INO80D: variants seen among roughly 807,000 people sequenced by gnomAD.
INO80D encodes INO80 complex subunit D.
INO80D carries 21 observed loss-of-function variants against 87.6 expected under a neutral mutation model. The ratio of observed to expected loss-of-function variants is 0.24; its 90% CI spans 0.17 to 0.35. The LOEUF (loss-of-function observed/expected upper bound fraction) is 0.35. INO80D is among the 10% of genes least tolerant of loss of function. The pLI is 1.00. For missense variants in INO80D, 982 were observed against 1,280.7 expected (o/e 0.77, Z 3.56); for synonymous variants, 440 against 491.0 (o/e 0.90, Z 1.37).
chr2:206,050,838 G>C (rs985929913), intron 4 of INO80D, among the ~76,000 whole-genome samples: 3 of 150,898 alleles, frequency 2.0e-5, no homozygotes, highest in African/African-American at 7.3e-5. Context: ...GCGTGGTCGC[G>C]GGCGCCTGTA....
intron 1 of INO80D, among the ~76,000 whole-genome samples, chr2:206,072,063 G>A (rs1689986511): frequency 6.6e-6 from 1 of 152,082 alleles, no homozygotes; most frequent in Non-Finnish European, 1.5e-5. Flanking sequence ...CACTCAGGGA[G>A]CCCAACATAC....
chr2:206,028,029 AC>A, intron 6 of INO80D, 81 bp downstream of exon 6: 1 of 941,194 alleles, frequency 1.1e-6, no homozygotes, highest in Non-Finnish European at 1.6e-6. Flanking sequence ...GTCATCTCCC[AC>A]TGTGCCTCAA....
At chr2:206,051,989 GTTTTA>G (rs919610301) in intron 4 of INO80D, among the ~76,000 whole-genome samples, 1 of 152,102 alleles carries the variant, frequency 6.6e-6, no homozygotes, top group African/African-American at 2.4e-5. Flanking sequence ...TTGTAAAGGA[GTTTTA>G]TTTGAGAATA....
In INO80D at chr2:206,005,454, C is replaced by T. The variant is rs780881531; in HGVS notation, c.1998G>A (p.Glu666=). The T allele has an allele frequency of 1.9e-6, 3 of 1,613,966 alleles. No homozygotes were observed. In the South Asian group the frequency reaches 3.3e-5, roughly 18 times the overall value. The change falls in exon 11 of 11, where the codon GAG becomes GAA. Residue 666 remains glutamate, a synonymous_variant. Coordinates refer to ENST00000403263, the MANE Select transcript of INO80D (RefSeq NM_017759.5). Reference sequence around the variant, plus strand: ...CAAGGACCCCAATGGTACTCAGGCACTCGAGAGAAGTTACAGCCTGCAAGG... The same window carrying T: ...CAAGGACCCCAATGGTACTCAGGCATTCGAGAGAAGTTACAGCCTGCAAGG... ...ERALQAVTSL[E]CLSTIGVLAQ... is the part of the protein sequence containing the mutation.
intron 4 of INO80D, among the ~76,000 whole-genome samples, chr2:206,049,642 G>T (rs1438587954): frequency 6.6e-6 from 1 of 152,122 alleles, no homozygotes; most frequent in African/African-American, 2.4e-5. Context: ...AATGTAACTA[G>T]CTGACATAAC....
intron 1 of INO80D, among the ~76,000 whole-genome samples, chr2:206,083,219 A>G (rs1368778878): frequency 6.6e-6 from 1 of 152,238 alleles, no homozygotes; most frequent in Non-Finnish European, 1.5e-5. Flanking sequence ...GGTGGGAAAA[A>G]GTACAAAACT....
At chr2:206,058,272 A>G (rs1363833345) in intron 3 of INO80D, among the ~76,000 whole-genome samples, 1 of 151,594 alleles carries the variant, frequency 6.6e-6, no homozygotes. Flanking sequence ...ACAAAAAATT[A>G]GCCGGGCGTG....
At chr2:206,044,986 A>C (rs751928081) in intron 5 of INO80D, among the ~76,000 whole-genome samples, 12 of 152,220 alleles carry the variant, frequency 7.9e-5, no homozygotes, top group Non-Finnish European at 1.5e-4. Flanking sequence ...TGAATGACAT[A>C]TAAAATGGAA....
chr2:206,013,898 C>A (rs1688246695), intron 8 of INO80D, among the ~76,000 whole-genome samples: 1 of 150,334 alleles, frequency 6.7e-6, no homozygotes, highest in South Asian at 2.1e-4. Context: ...GTGGCTCATG[C>A]CTGTAATCCC....
In INO80D at chr2:206,013,293, C is replaced by T. The variant is rs550391050; in HGVS notation, c.1543-3499G>A. 5.5e-4 allele frequency among the ~76,000 whole-genome samples: 84 copies of T among 152,172 alleles called. 2 individuals are homozygous for T. In the South Asian group the frequency reaches 0.017, roughly 30 times the overall value. ...AGGAGGCCAGGCGCGGTGGCTTACG[C>T]CTGTAATCCCAGCACTTTGGGAGGC... is the stretch of plus-strand genomic sequence containing the variant. On this transcript the variant is annotated intron_variant, in intron 8 of 10. Transcript: ENST00000403263.
At chr2:206,034,720 C>T (rs1688851868) in intron 5 of INO80D, among the ~76,000 whole-genome samples, 1 of 151,728 alleles carries the variant, frequency 6.6e-6, no homozygotes, top group African/African-American at 2.4e-5. Context: ...TCCTCTTCAA[C>T]ATAGTACTGG....
At chr2:206,020,199 G>A (rs1688423105) in intron 6 of INO80D, among the ~76,000 whole-genome samples, 1 of 152,052 alleles carries the variant, frequency 6.6e-6, no homozygotes, top group South Asian at 2.1e-4. Context: ...TTGAATCTCA[G>A]CTCTCCCTCT....
intron 5 of INO80D, among the ~76,000 whole-genome samples, chr2:206,033,219 G>A (rs576115324): frequency 6.6e-6 from 1 of 152,242 alleles, no homozygotes; most frequent in South Asian, 2.1e-4. Flanking sequence ...AGTAACAGCA[G>A]TTAAAACAGA....
At chr2:206,015,022 T>C (rs984113561) in intron 8 of INO80D, among the ~76,000 whole-genome samples, 13 of 152,214 alleles carry the variant, frequency 8.5e-5, no homozygotes, top group African/African-American at 2.4e-4. Context: ...TAAAGACTTA[T>C]GGAACTTTGA....
At position 206,004,180 on chromosome 2, in the gene INO80D, T is replaced by C; in HGVS notation, c.*188A>G. The C allele has an allele frequency of 1.6e-6, 1 of 618,728 alleles. No individual in the cohort carries two copies. Among genetic ancestry groups the C allele is most frequent in the Non-Finnish European group, 2.8e-6 (1 of 354,582 alleles). The allele number at this position is 618,728 out of a possible 1,614,324, so 38.3% of individuals were successfully genotyped here. Reference sequence around the variant, plus strand: ...CCTGCCAGGAGGGAATGAGCACCAGTGCTAAGGAGCACATGTGAACACTGT... The same window carrying C: ...CCTGCCAGGAGGGAATGAGCACCAGCGCTAAGGAGCACATGTGAACACTGT... On this transcript the variant is annotated 3_prime_UTR_variant, in exon 11 of 11. Transcript: ENST00000403263. The surrounding 1 kb of genome is among the most constrained non-coding windows in gnomAD (Gnocchi z 4.9).
At chr2:206,067,235 C>T (rs1689841394) in intron 1 of INO80D, among the ~76,000 whole-genome samples, 1 of 147,836 alleles carries the variant, frequency 6.8e-6, no homozygotes, top group Non-Finnish European at 1.5e-5. Flanking sequence ...CAACAGAGTG[C>T]AACCGTCTCC....
intron 9 of INO80D, among the ~76,000 whole-genome samples, chr2:206,008,717 C>A (rs1688092215): frequency 6.6e-6 from 1 of 152,192 alleles, no homozygotes; most frequent in Admixed American, 6.5e-5. Context: ...TTTCTGCAAC[C>A]TTCACCCATG....
intron 8 of INO80D, among the ~76,000 whole-genome samples, chr2:206,010,546 C>T (rs1204598724): frequency 6.6e-6 from 1 of 152,098 alleles, no homozygotes; most frequent in African/African-American, 2.4e-5. Flanking sequence ...GTGGGATTTG[C>T]AATTGATGTC....
chr2:206,005,991 T>C (rs1401591092), intron 10 of INO80D, among the ~76,000 whole-genome samples: 1 of 152,190 alleles, frequency 6.6e-6, no homozygotes, highest in African/African-American at 2.4e-5. Flanking sequence ...GGAGGGCAGC[T>C]GTGGAAGGTT....
Sources: allele counts gnomAD v4.1 joint callset (sites outside exome capture counted in the v4.1 genomes callset), GRCh38; gene constraint gnomAD v4.1.1; non-coding constraint Gnocchi (gnomAD v3.1); transcripts MANE v1.5; gene names NCBI Gene and HGNC (gene_info 2026-07-23, HGNC 2026-07-21).